HPSE2: variants seen among roughly 807,000 people sequenced by gnomAD.
The protein encoded by HPSE2 is inactive heparanase-2.
In HPSE2, 38 loss-of-function variants were observed where a neutral mutation model predicts 60.5. The ratio of observed to expected loss-of-function variants is 0.63; its 90% CI spans 0.48 to 0.82. The LOEUF (loss-of-function observed/expected upper bound fraction) is 0.82, where lower values mean the gene tolerates loss of function less well. HPSE2 is among the 40% of genes least tolerant of loss of function. The pLI is 0.00. For synonymous variants in HPSE2, 295 were observed against 293.2 expected (o/e 1.01, Z -0.06); for missense variants, 713 against 740.4 (o/e 0.96, Z 0.43).
intron 3 of HPSE2, among the ~76,000 whole-genome samples, chr10:98,836,292 C>A (rs905809053): frequency 6.6e-6 from 1 of 152,270 alleles, no homozygotes; most frequent in South Asian, 2.1e-4. Flanking sequence ...GAGTCTAAAA[C>A]CACCTTTGAA....
chr10:98,663,128 G>A (rs1341825476), intron 6 of HPSE2, among the ~76,000 whole-genome samples: 1 of 152,066 alleles, frequency 6.6e-6, no homozygotes, highest in Non-Finnish European at 1.5e-5. Flanking sequence ...ACATGTTCTG[G>A]GCATAACGAA....
At chr10:98,600,851 CATATT>C (rs1219715006) in intron 9 of HPSE2, among the ~76,000 whole-genome samples, 5 of 130,644 alleles carry the variant, frequency 3.8e-5, no homozygotes, top group South Asian at 4.9e-4. Context: ...TATACACACA[CATATT>C]ATATATATAC....
intron 3 of HPSE2, among the ~76,000 whole-genome samples, chr10:98,979,576 G>A (rs1031130637): frequency 2.0e-5 from 3 of 152,050 alleles, no homozygotes; most frequent in Non-Finnish European, 4.4e-5. Flanking sequence ...ATATTAAAGA[G>A]GTGTTTTTAA....
intron 3 of HPSE2, among the ~76,000 whole-genome samples, chr10:98,870,769 G>A (rs1483288423): frequency 6.6e-6 from 1 of 151,950 alleles, no homozygotes; most frequent in Non-Finnish European, 1.5e-5. Context: ...GAGTTTGGAT[G>A]TGTGCCCCCT....
intron 9 of HPSE2, among the ~76,000 whole-genome samples, chr10:98,575,807 C>T (rs1372070535): frequency 6.6e-6 from 1 of 152,062 alleles, no homozygotes; most frequent in Non-Finnish European, 1.5e-5. Context: ...TTTTTAATTC[C>T]CCAGAGTTTC....
intron 3 of HPSE2, among the ~76,000 whole-genome samples, chr10:98,877,524 C>T (rs991011444): frequency 2.6e-5 from 4 of 151,674 alleles, no homozygotes; most frequent in African/African-American, 9.7e-5. Context: ...AAAATAGGCC[C>T]CATCTCATAA....
intron 2 of HPSE2, among the ~76,000 whole-genome samples, chr10:99,155,881 G>C (rs1846530452): frequency 6.6e-6 from 1 of 151,670 alleles, no homozygotes; most frequent in African/African-American, 2.4e-5. Context: ...AAAAAAAGAA[G>C]AATCAAATAG....
At chr10:98,888,057 C>A (rs1350866832) in intron 3 of HPSE2, among the ~76,000 whole-genome samples, 1 of 151,168 alleles carries the variant, frequency 6.6e-6, no homozygotes, top group Non-Finnish European at 1.5e-5. Context: ...AAGAATGTAA[C>A]TGGATCGTTT....
intron 3 of HPSE2, among the ~76,000 whole-genome samples, chr10:98,984,935 T>C (rs931811614): frequency 1.2e-4 from 18 of 152,058 alleles, no homozygotes; most frequent in African/African-American, 3.9e-4. Context: ...AAGGGAAGTT[T>C]AGAGAAAAAA....
Position 98,670,321 on chromosome 10 carries a change from G to T in HPSE2, c.1004+23579C>A, listed in dbSNP as rs537173431. Among the ~76,000 whole-genome samples, 3 of 152,272 alleles carry T rather than the reference G, an allele frequency of 2.0e-5. No homozygotes were observed. The South Asian group carries it at 6.2e-4, about 32-fold the overall frequency. Reference sequence around the variant, plus strand: ...GGGTATAGGTGGAAGCAAGCAGATAGGAATCTATTGCAATAGTCTGGGGAA... The same window carrying T: ...GGGTATAGGTGGAAGCAAGCAGATATGAATCTATTGCAATAGTCTGGGGAA... On this transcript the variant is annotated intron_variant, in intron 6 of 11. Coordinates refer to ENST00000370552, the MANE Select transcript of HPSE2 (RefSeq NM_021828.5).
intron 2 of HPSE2, among the ~76,000 whole-genome samples, chr10:99,188,681 ATGTT>A (rs1848116835): frequency 6.6e-6 from 1 of 152,244 alleles, no homozygotes; most frequent in Non-Finnish European, 1.5e-5. Context: ...TAATAAGAGA[ATGTT>A]TGGGAGTAAA....
At chr10:99,081,304 C>T (rs989532197) in intron 3 of HPSE2, among the ~76,000 whole-genome samples, 10 of 152,148 alleles carry the variant, frequency 6.6e-5, no homozygotes, top group African/African-American at 2.2e-4. Flanking sequence ...ACTTGCATTG[C>T]ACAATATAAA....
intron 11 of HPSE2, among the ~76,000 whole-genome samples, chr10:98,471,401 C>T (rs369342400): frequency 1.7e-3 from 255 of 151,638 alleles, no homozygotes; most frequent in Middle Eastern, 6.8e-3. Context: ...TTGAACACCA[C>T]GGGTAGAAGA....
chr10:98,648,162 T>A (rs1337138598), intron 6 of HPSE2, among the ~76,000 whole-genome samples: 1 of 152,186 alleles, frequency 6.6e-6, no homozygotes, highest in Non-Finnish European at 1.5e-5. Context: ...CTTTGCACAC[T>A]TTGGGTCCTG....
At chr10:98,931,310 T>A (rs932127628) in intron 3 of HPSE2, among the ~76,000 whole-genome samples, 3 of 143,954 alleles carry the variant, frequency 2.1e-5, no homozygotes, top group Admixed American at 6.9e-5. Flanking sequence ...AGTTCTCTAT[T>A]CTGTTCCATT....
At chr10:99,233,218 C>T (rs1589852032) in intron 1 of HPSE2, among the ~76,000 whole-genome samples, 1 of 1,992 alleles carries the variant, frequency 5.0e-4, no homozygotes, top group African/African-American at 7.4e-3. Flanking sequence ...CCACCACCAC[C>T]ACACACACAC....
intron 3 of HPSE2, among the ~76,000 whole-genome samples, chr10:98,819,625 T>G (rs974165837): frequency 6.6e-6 from 1 of 152,106 alleles, no homozygotes; most frequent in African/African-American, 2.4e-5. Context: ...ACCTAAATAA[T>G]GAAAATGTTG....
chr10:98,460,177 G>GA (rs1940227036), intron 11 of HPSE2, among the ~76,000 whole-genome samples: 1 of 152,180 alleles, frequency 6.6e-6, no homozygotes, highest in Non-Finnish European at 1.5e-5. Context: ...TTTACCTGTG[G>GA]AATGATACAT....
At chr10:98,644,968 T>C (rs960274409) in intron 6 of HPSE2, among the ~76,000 whole-genome samples, 10 of 152,196 alleles carry the variant, frequency 6.6e-5, no homozygotes, top group African/African-American at 2.4e-4. Flanking sequence ...AAAGTTATTT[T>C]ATCTCAATAG....
Sources: gnomAD v4.1 joint callset for allele counts (sites outside exome capture counted in the v4.1 genomes callset) on GRCh38, gnomAD v4.1.1 for gene constraint, MANE v1.5 for transcripts, NCBI Gene and HGNC (gene_info 2026-07-23, HGNC 2026-07-21) for gene names.